Variants in SORCS2 observed in about 807,000 individuals in gnomAD.
SORCS2 encodes the protein VPS10 domain-containing receptor SorCS2.
SORCS2 carries 100 observed loss-of-function variants against 141.6 expected under a neutral mutation model. The ratio of observed to expected loss-of-function variants is 0.71; its 90% CI spans 0.60 to 0.83. The LOEUF (loss-of-function observed/expected upper bound fraction) is 0.83. Among genes scored for constraint, SORCS2 ranks in the 40% least tolerant of loss-of-function variants. The probability of loss-of-function intolerance (pLI) is 0.00; values close to 1 mark genes in which losing one functional copy is unlikely to be tolerated. For synonymous variants in SORCS2, 789 were observed against 676.9 expected (o/e 1.17, Z -2.57); for missense variants, 1,646 against 1,560.2 (o/e 1.05, Z -0.93).
chr4:7,611,452 C>T (rs1718399302), intron 3 of SORCS2, among the ~76,000 whole-genome samples: 1 of 152,178 alleles, frequency 6.6e-6, no homozygotes, highest in Non-Finnish European at 1.5e-5. Flanking sequence ...TGAGACTGCC[C>T]AGCACGGTGC....
intron 3 of SORCS2, among the ~76,000 whole-genome samples, chr4:7,549,172 C>G (rs1193643828): frequency 2.0e-5 from 3 of 152,184 alleles, no homozygotes; most frequent in Non-Finnish European, 4.4e-5. Flanking sequence ...GCAAGCGATG[C>G]TGCTCTTGGT....
intron 1 of SORCS2, among the ~76,000 whole-genome samples, chr4:7,236,961 T>A (rs1189342802): frequency 6.6e-6 from 1 of 151,822 alleles, no homozygotes; most frequent in Non-Finnish European, 1.5e-5. Flanking sequence ...CTTGGGGGAG[T>A]CCCAGGGCTC....
intron 24 of SORCS2, among the ~76,000 whole-genome samples, chr4:7,733,965 G>A (rs1209014620): frequency 6.6e-6 from 1 of 152,156 alleles, no homozygotes; most frequent in Non-Finnish European, 1.5e-5. Flanking sequence ...CACGGGCATG[G>A]AACAGCCTCC....
intron 3 of SORCS2, among the ~76,000 whole-genome samples, chr4:7,592,107 A>G (rs1716956870): frequency 6.6e-6 from 1 of 152,178 alleles, no homozygotes; most frequent in African/African-American, 2.4e-5. Context: ...TATACTTGAA[A>G]AAGATACGCT....
intron 1 of SORCS2, among the ~76,000 whole-genome samples, chr4:7,228,545 C>T (rs1711575582): frequency 6.6e-6 from 1 of 152,144 alleles, no homozygotes; most frequent in Admixed American, 6.5e-5. Flanking sequence ...GATCGTCCTG[C>T]CTACACAGGC....
intron 3 of SORCS2, among the ~76,000 whole-genome samples, chr4:7,543,060 CCAGCACATGGCAGTGGA>C (rs1298199895): frequency 1.3e-5 from 2 of 152,186 alleles, no homozygotes; most frequent in Non-Finnish European, 2.9e-5. Flanking sequence ...GTGTCAGTGG[CCAGCACATGGCAGTGGA>C]CAGCCCAGGT....
At chr4:7,688,054 G>A (rs527381562) in intron 10 of SORCS2, among the ~76,000 whole-genome samples, 5 of 152,322 alleles carry the variant, frequency 3.3e-5, no homozygotes, top group South Asian at 2.1e-4. Context: ...CCACCTGGTC[G>A]CATCTTATCC....
intron 2 of SORCS2, among the ~76,000 whole-genome samples, chr4:7,507,283 C>T (rs148779575): frequency 5.3e-5 from 8 of 151,980 alleles, no homozygotes; most frequent in Admixed American, 3.9e-4. Context: ...CAAGTGATTC[C>T]CCTGCCTCAG....
intron 2 of SORCS2, among the ~76,000 whole-genome samples, chr4:7,478,807 C>A (rs1320069913): frequency 1.3e-5 from 2 of 152,192 alleles, no homozygotes; most frequent in Non-Finnish European, 2.9e-5. Flanking sequence ...ATGGCATAGG[C>A]ACTCGGCCCA....
At chr4:7,668,154 A>G (rs13111740) in intron 8 of SORCS2, among the ~76,000 whole-genome samples, 8,029 of 152,334 alleles carry the variant, frequency 0.053, 246 homozygotes, top group Middle Eastern at 0.082. Context: ...TGTGGGCTTT[A>G]CAGACGGGGA....
intron 1 of SORCS2, among the ~76,000 whole-genome samples, chr4:7,213,713 C>T (rs529675214): frequency 4.8e-4 from 73 of 152,268 alleles, no homozygotes; most frequent in African/African-American, 1.7e-3. Flanking sequence ...GAGTTCTCCC[C>T]CTGGGAACAG....
intron 3 of SORCS2, among the ~76,000 whole-genome samples, chr4:7,633,733 A>G (rs145979852): frequency 1.4e-4 from 21 of 152,322 alleles, no homozygotes; most frequent in African/African-American, 5.1e-4. Flanking sequence ...CAATTCCCTT[A>G]GGAGTCGCAG....
At chr4:7,266,658 C>T (rs796357240) in intron 1 of SORCS2, among the ~76,000 whole-genome samples, 6 of 152,312 alleles carry the variant, frequency 3.9e-5, no homozygotes, top group African/African-American at 1.2e-4. Context: ...GCGGACTCAG[C>T]CCTGCCCTCA....
chr4:7,326,210 G>A (rs1481241264), intron 1 of SORCS2, among the ~76,000 whole-genome samples: 1 of 152,040 alleles, frequency 6.6e-6, no homozygotes, highest in Non-Finnish European at 1.5e-5. Context: ...GATCACTGAG[G>A]GCCTAAGACA....
At chr4:7,256,769 G>C (rs547485499) in intron 1 of SORCS2, among the ~76,000 whole-genome samples, 28 of 149,084 alleles carry the variant, frequency 1.9e-4, no homozygotes, top group Non-Finnish European at 3.7e-4. Context: ...CGGGAAAGGG[G>C]GCGTCCAGCA....
intron 1 of SORCS2, among the ~76,000 whole-genome samples, chr4:7,258,495 C>G (rs926338163): frequency 7.9e-5 from 12 of 152,216 alleles, no homozygotes; most frequent in African/African-American, 2.9e-4. Flanking sequence ...TTTATGGCTG[C>G]ATAGTATCCC....
At chr4:7,362,850 C>T (rs1398501099) in intron 1 of SORCS2, among the ~76,000 whole-genome samples, 1 of 151,584 alleles carries the variant, frequency 6.6e-6, no homozygotes, top group African/African-American at 2.4e-5. Context: ...ATCATTATCA[C>T]CATCATCACC....
intron 1 of SORCS2, among the ~76,000 whole-genome samples, chr4:7,314,271 A>G (rs897213093): frequency 6.6e-6 from 1 of 151,970 alleles, no homozygotes; most frequent in South Asian, 2.1e-4. Context: ...TGCGACATGC[A>G]GGGCTCCGCA....
At chr4:7,550,582 G>A (rs1713624680) in intron 3 of SORCS2, among the ~76,000 whole-genome samples, 1 of 152,184 alleles carries the variant, frequency 6.6e-6, no homozygotes, top group Non-Finnish European at 1.5e-5. Flanking sequence ...AGAGGGCAGG[G>A]GACACAGAGG....
Sources: allele counts gnomAD v4.1 joint callset (sites outside exome capture counted in the v4.1 genomes callset), GRCh38; gene constraint gnomAD v4.1.1; transcripts MANE v1.5; gene names NCBI Gene and HGNC (gene_info 2026-07-23, HGNC 2026-07-21).